Variants in SCARA5 observed in about 807,000 individuals in gnomAD.
SCARA5 encodes scavenger receptor class A member 5.
A neutral mutation model predicts 46.3 loss-of-function variants in SCARA5; 45 were observed. That is an observed-to-expected ratio of 0.97 (90% confidence interval 0.76 to 1.24). The LOEUF (loss-of-function observed/expected upper bound fraction) is 1.24. Among genes scored for constraint, SCARA5 ranks in the 50% most tolerant of loss-of-function variants. The pLI is 0.00. For synonymous variants in SCARA5, 333 were observed against 306.5 expected, an observed-to-expected ratio of 1.09 and a Z score of -0.90; for missense variants, 680 against 689.0, an observed-to-expected ratio of 0.99 and a Z score of 0.15.
At chr8:27,925,513 T>C (rs998105814) in intron 3 of SCARA5, among the ~76,000 whole-genome samples, 3 of 152,124 alleles carry the variant, frequency 2.0e-5, no homozygotes, top group African/African-American at 7.2e-5. Flanking sequence ...ACTTAAATGT[T>C]ACCTAAAACC....
intron 7 of SCARA5, among the ~76,000 whole-genome samples, chr8:27,892,743 C>T (rs1301781447): frequency 6.6e-6 from 1 of 152,020 alleles, no homozygotes; most frequent in East Asian, 1.9e-4. Flanking sequence ...GTAGCTGGGA[C>T]CACAGGCGCC....
chr8:27,877,938 G>A (rs1352309874), intron 8 of SCARA5, among the ~76,000 whole-genome samples: 1 of 152,236 alleles, frequency 6.6e-6, no homozygotes, highest in Non-Finnish European at 1.5e-5. Flanking sequence ...GCTGGGAGGA[G>A]TGGAGGCTTC....
intron 3 of SCARA5, among the ~76,000 whole-genome samples, chr8:27,926,202 G>T (rs1807676965): frequency 1.3e-5 from 2 of 152,164 alleles, no homozygotes; most frequent in South Asian, 2.1e-4. Flanking sequence ...CAAGCCAAAT[G>T]TCCATCAATG....
chr8:27,905,269 G>A (rs1232334100), intron 6 of SCARA5, among the ~76,000 whole-genome samples: 1 of 152,124 alleles, frequency 6.6e-6, no homozygotes, highest in Non-Finnish European at 1.5e-5. Context: ...AAACATAAGT[G>A]TGAGATACCA....
intron 2 of SCARA5, among the ~76,000 whole-genome samples, chr8:27,976,928 G>C (rs914922427): frequency 6.6e-6 from 1 of 152,200 alleles, no homozygotes; most frequent in East Asian, 1.9e-4. Flanking sequence ...AGGATCGCTT[G>C]AGCCCTCAGT....
At chr8:27,877,570 C>G (rs1490990149) in intron 8 of SCARA5, among the ~76,000 whole-genome samples, 1 of 151,816 alleles carries the variant, frequency 6.6e-6, no homozygotes, top group Non-Finnish European at 1.5e-5. Context: ...TTTTTTTTCT[C>G]AAAAGGTTTT....
intron 2 of SCARA5, among the ~76,000 whole-genome samples, chr8:27,982,813 G>A (rs1022488211): frequency 6.6e-6 from 1 of 152,182 alleles, no homozygotes; most frequent in Non-Finnish European, 1.5e-5. Flanking sequence ...GAGAACCAAG[G>A]CACCCAACAG....
intron 7 of SCARA5, among the ~76,000 whole-genome samples, chr8:27,880,365 T>C (rs1458543683): frequency 1.5e-5 from 2 of 137,818 alleles, no homozygotes; most frequent in African/African-American, 5.4e-5. Flanking sequence ...GAGTGGGAAC[T>C]AATTAAACTA....
intron 5 of SCARA5, among the ~76,000 whole-genome samples, chr8:27,909,442 G>A (rs916033200): frequency 1.3e-5 from 2 of 152,158 alleles, no homozygotes; most frequent in East Asian, 1.9e-4. Context: ...GGCCTGTCCT[G>A]TACCTTTTCC....
At chr8:27,920,352 C>G (rs1807562799) in intron 4 of SCARA5, among the ~76,000 whole-genome samples, 1 of 152,084 alleles carries the variant, frequency 6.6e-6, no homozygotes, top group Non-Finnish European at 1.5e-5. Flanking sequence ...GTGGCTCAAG[C>G]CTGTAATCCC....
At chr8:27,977,325 C>A (rs544563237) in intron 2 of SCARA5, among the ~76,000 whole-genome samples, 1 of 151,958 alleles carries the variant, frequency 6.6e-6, no homozygotes, top group Non-Finnish European at 1.5e-5. Flanking sequence ...ACTCCCCAGG[C>A]CCCCCCATCA....
chr8:27,920,901 G>A (rs138046094), intron 4 of SCARA5, among the ~76,000 whole-genome samples: 2,858 of 152,150 alleles, frequency 0.019, 90 homozygotes, highest in African/African-American at 0.065. Flanking sequence ...GCGTGAACCC[G>A]GGAGGTGGAG....
rs546511940 is a variant in SCARA5 at position 27,901,368 on chromosome 8, C to T, written c.1153+3410G>A. On this transcript the variant is annotated intron_variant, in intron 7 of 8. Coordinates refer to ENST00000354914, the MANE Select transcript of SCARA5 (RefSeq NM_173833.6). ...CCACCCTGGTTAGCGGCTCTTCCCGCACGATGTTGGCTTGTGGAGGAGGGT... is the reference window on the plus strand; with the variant it reads ...CCACCCTGGTTAGCGGCTCTTCCCGTACGATGTTGGCTTGTGGAGGAGGGT... 1.2e-4 allele frequency among the ~76,000 whole-genome samples: 18 copies of T among 152,234 alleles called. No individual in the cohort carries two copies. The East Asian group carries it at 3.5e-3, about 29-fold the overall frequency.
intron 3 of SCARA5, among the ~76,000 whole-genome samples, chr8:27,962,968 G>A (rs1417235936): frequency 6.6e-6 from 1 of 152,182 alleles, no homozygotes; most frequent in African/African-American, 2.4e-5. Context: ...TAAGGTGCAG[G>A]AGGAGCCCAT....
chr8:27,892,828 G>A (rs1383975700), intron 7 of SCARA5, among the ~76,000 whole-genome samples: 1 of 152,068 alleles, frequency 6.6e-6, no homozygotes. Flanking sequence ...GGATGGTCTC[G>A]ATCTCCTGAC....
chr8:27,931,861 C>T (rs999577190), intron 3 of SCARA5, among the ~76,000 whole-genome samples: 3 of 152,156 alleles, frequency 2.0e-5, no homozygotes, highest in Non-Finnish European at 4.4e-5. Flanking sequence ...ACCATGTTGG[C>T]TAGGCTGGTC....
chr8:27,935,451 A>G (rs1807839318), intron 3 of SCARA5, among the ~76,000 whole-genome samples: 1 of 152,202 alleles, frequency 6.6e-6, no homozygotes, highest in African/African-American at 2.4e-5. Context: ...GGTGTCACCC[A>G]TAAAGACCAT....
rs181644601 is a variant in SCARA5, at chr8:27,968,026, T to C, written c.113-1484A>G. On this transcript the variant is annotated intron_variant, in intron 2 of 8. Coordinates refer to ENST00000354914, the MANE Select transcript of SCARA5 (RefSeq NM_173833.6). Reference sequence around the variant, plus strand: ...GATATTTAGAAAACATCCTGAAGGATAGTACCATGTTTGCAATTCCTTCAT... The same window carrying C: ...GATATTTAGAAAACATCCTGAAGGACAGTACCATGTTTGCAATTCCTTCAT... 4.1e-4 allele frequency among the ~76,000 whole-genome samples: 63 copies of C among 152,296 alleles called. 1 individual carries two copies. The East Asian group carries it at 7.7e-3, about 19-fold the overall frequency.
intron 3 of SCARA5, among the ~76,000 whole-genome samples, chr8:27,942,037 C>T (rs1807954768): frequency 6.6e-6 from 1 of 151,882 alleles, no homozygotes; most frequent in African/African-American, 2.4e-5. Context: ...CCATGTTGCC[C>T]AGGCTGGTCT....
Sources: gnomAD v4.1 joint callset for allele counts (sites outside exome capture counted in the v4.1 genomes callset) on GRCh38, gnomAD v4.1.1 for gene constraint, MANE v1.5 for transcripts, NCBI Gene and HGNC (gene_info 2026-07-23, HGNC 2026-07-21) for gene names.